Variants in OSBPL3 observed in about 807,000 individuals in gnomAD.
The protein encoded by OSBPL3 is oxysterol-binding protein-related protein 3.
OSBPL3 carries 65 observed loss-of-function variants against 120.1 expected under a neutral mutation model. That is an observed-to-expected ratio of 0.54 (90% confidence interval 0.44 to 0.67). The LOEUF is 0.67. Among genes scored for constraint, OSBPL3 ranks in the 30% least tolerant of loss-of-function variants. The pLI is 0.00. For synonymous variants in OSBPL3, 416 were observed against 402.6 expected (o/e 1.03, Z -0.40); for missense variants, 1,004 against 1,082.1 (o/e 0.93, Z 1.01).
chr7:24,903,600 T>C (rs973133960), intron 1 of OSBPL3, among the ~76,000 whole-genome samples: 1 of 152,232 alleles, frequency 6.6e-6, no homozygotes, highest in Non-Finnish European at 1.5e-5. Flanking sequence ...AATAGATATG[T>C]TGATGAATAC....
At chr7:24,884,207 C>G (rs1009659909) in intron 2 of OSBPL3, among the ~76,000 whole-genome samples, 1 of 152,138 alleles carries the variant, frequency 6.6e-6, no homozygotes. Flanking sequence ...AAATAACAAC[C>G]ATTTGTACAT....
rs990362167 is a variant in OSBPL3, at chr7:24,821,578, G to A, written c.1885-1340C>T. On this transcript the variant is annotated intron_variant, in intron 16 of 22. Transcript: ENST00000313367. The surrounding 1 kb of genome is among the most constrained non-coding windows in gnomAD (Gnocchi z 5.5). ...CGGCTGGGAGGATGTGGTCACACACGCCACACCCAGATGTGACTCATGGGA... is the reference window on the plus strand; with the variant it reads ...CGGCTGGGAGGATGTGGTCACACACACCACACCCAGATGTGACTCATGGGA... Among the ~76,000 whole-genome samples the A allele has an allele frequency of 6.6e-6, 1 of 152,148 alleles. No individual in the cohort carries two copies.
intron 1 of OSBPL3, among the ~76,000 whole-genome samples, chr7:24,974,594 C>G (rs1169302598): frequency 6.6e-6 from 1 of 152,102 alleles, no homozygotes; most frequent in African/African-American, 2.4e-5. Flanking sequence ...TTAGAAATGC[C>G]AGTCCCGTCA....
chr7:24,871,666 C>T lies in OSBPL3; in HGVS notation c.267+76G>A. ...CCGAGAAAAGCTATCCTCAACTATA[C>T]ACACTCTCATCTCTGAGCTGATGGT... On this transcript the variant is annotated intron_variant, in intron 4 of 22. Transcript: ENST00000313367. The surrounding 1 kb of genome is among the most constrained non-coding windows in gnomAD (Gnocchi z 4.8). 9.4e-7 allele frequency: 1 copy of T among 1,059,660 alleles called. No homozygotes were observed. Among genetic ancestry groups the T allele is most frequent in the Non-Finnish European group, 1.5e-6 (1 of 687,786 alleles). 65.6% of individuals were successfully genotyped at this position (1,059,660 alleles called of 1,614,324 possible).
At chr7:24,870,929 T>A (rs1473914060) in intron 4 of OSBPL3, 84 bp from the exon 5 acceptor site, 1 of 860,908 alleles carries the variant, frequency 1.2e-6, no homozygotes, top group African/African-American at 1.6e-5. Flanking sequence ...CCACATCCCC[T>A]GATAGTAAAA....
intron 10 of OSBPL3, among the ~76,000 whole-genome samples, chr7:24,859,912 AT>A (rs1018761749): frequency 6.6e-6 from 1 of 152,064 alleles, no homozygotes; most frequent in South Asian, 2.1e-4. Context: ...GATTATTTCT[AT>A]TTTTTTAACC....
chr7:24,976,909 A>T (rs1225481876), intron 1 of OSBPL3, among the ~76,000 whole-genome samples: 1 of 152,134 alleles, frequency 6.6e-6, no homozygotes, highest in Admixed American at 6.5e-5. Flanking sequence ...TTCCTTCCCC[A>T]TCCTCTGTTT....
Position 24,918,813 on chromosome 7 carries a change from A to AT in OSBPL3, c.-149-26193dup, listed in dbSNP as rs1311090451. 6.6e-6 allele frequency among the ~76,000 whole-genome samples: 1 copy of AT among 152,238 alleles called. No homozygotes were observed. Among genetic ancestry groups the AT allele is most frequent in the Non-Finnish European group, 1.5e-5 (1 of 68,046 alleles). Reference sequence around the variant, plus strand: ...ATACTTTCTAAATGGAAGAAGAATGATTTTAAGGAAGAATTTAGAATCGTA... The same window carrying AT: ...ATACTTTCTAAATGGAAGAAGAATGATTTTTAAGGAAGAATTTAGAATCGTA... On this transcript the variant is annotated intron_variant, in intron 1 of 22. Transcript: ENST00000313367. This position sits in a 1 kb window ranked among gnomAD's most constrained non-coding sequence, Gnocchi z 4.3.
chr7:24,915,810 A>T (rs138352588), intron 1 of OSBPL3, among the ~76,000 whole-genome samples: 1 of 152,124 alleles, frequency 6.6e-6, no homozygotes, highest in Non-Finnish European at 1.5e-5. Context: ...CTTCTGACCT[A>T]GTGGTCCACC....
intron 2 of OSBPL3, among the ~76,000 whole-genome samples, chr7:24,888,526 T>C (rs927870307): frequency 1.3e-5 from 2 of 152,196 alleles, no homozygotes; most frequent in African/African-American, 4.8e-5. Flanking sequence ...GTGAGGCTTA[T>C]TGTTTTTAAA....
chr7:24,942,052 G>C lies in OSBPL3; in HGVS notation c.-150+37834C>G, dbSNP rs111665393. Among the ~76,000 whole-genome samples, 594 of 152,212 alleles carry C rather than the reference G, an allele frequency of 3.9e-3. 3 individuals carry two copies. Among genetic ancestry groups the C allele is most frequent in the Non-Finnish European group, 6.0e-3 (405 of 68,022 alleles). On this transcript the variant is annotated intron_variant, in intron 1 of 22. Coordinates refer to ENST00000313367, the MANE Select transcript of OSBPL3 (RefSeq NM_015550.4). ...AACAGAAAAGAAAAAGCTTTGTTCTGTGAGGCTTGCTGCCCATCTGCTCCA... is the reference window on the plus strand; with the variant it reads ...AACAGAAAAGAAAAAGCTTTGTTCTCTGAGGCTTGCTGCCCATCTGCTCCA...
At chr7:24,943,696 A>T (rs2128486188) in intron 1 of OSBPL3, among the ~76,000 whole-genome samples, 1 of 152,328 alleles carries the variant, frequency 6.6e-6, no homozygotes, top group Non-Finnish European at 1.5e-5. Context: ...AGGCAAGTGG[A>T]ATTTACTAAA....
rs1800856759 is a variant in OSBPL3, at chr7:24,863,420, C to T, written c.777+76G>A. 1 of 1,394,256 alleles carries T rather than the reference C, an allele frequency of 7.2e-7. No individual in the cohort carries two copies. The highest frequency in any genetic ancestry group is 1.7e-5 in the Admixed American group (1 of 59,678). 86.4% of individuals were successfully genotyped at this position (1,394,256 alleles called of 1,614,324 possible). On this transcript the variant is annotated intron_variant, in intron 8 of 22. Transcript: ENST00000313367. The surrounding 1 kb of genome is among the most constrained non-coding windows in gnomAD (Gnocchi z 5.8). ...TGAAGCAACTGACCACAGCATCCCA[C>T]TGTTAGTGAAAGGCTGGGAGGAGAA...
At chr7:24,951,736 G>T (rs187625914) in intron 1 of OSBPL3, among the ~76,000 whole-genome samples, 24 of 152,142 alleles carry the variant, frequency 1.6e-4, no homozygotes, top group Non-Finnish European at 7.4e-5. Flanking sequence ...CACCACGGGG[G>T]AGAAACCTGT....
rs17150507 is a variant in OSBPL3, at chr7:24,909,159, T to C, written c.-149-16538A>G. On this transcript the variant is annotated intron_variant, in intron 1 of 22. Coordinates refer to ENST00000313367, the MANE Select transcript of OSBPL3 (RefSeq NM_015550.4). ...GGTGATAACTGATAGATCTGATATTTTGGTAAGTTAGCATGCATGCCTTGG... is the reference window on the plus strand; with the variant it reads ...GGTGATAACTGATAGATCTGATATTCTGGTAAGTTAGCATGCATGCCTTGG... Among the ~76,000 whole-genome samples the C allele has an allele frequency of 7.1e-3, 1,076 of 152,330 alleles. 11 individuals carry two copies. The highest frequency in any genetic ancestry group is 0.024 in the African/African-American group (1,010 of 41,558).
chr7:24,916,182 T>G lies in OSBPL3; in HGVS notation c.-149-23561A>C, dbSNP rs191607001. 1.4e-4 allele frequency among the ~76,000 whole-genome samples: 21 copies of G among 152,342 alleles called. 1 individual carries two copies. The East Asian group carries it at 4.1e-3, about 29-fold the overall frequency. On this transcript the variant is annotated intron_variant, in intron 1 of 22. Transcript: ENST00000313367. This position sits in a 1 kb window ranked among gnomAD's most constrained non-coding sequence, Gnocchi z 4.9. ...GAACAAATACTCTTATGCTACAGAA[T>G]TACTTTTCAGAAGATGGACAATTTC...
intron 20 of OSBPL3, among the ~76,000 whole-genome samples, chr7:24,807,848 A>G (rs1263627886): frequency 6.6e-6 from 1 of 152,162 alleles, no homozygotes; most frequent in African/African-American, 2.4e-5. Flanking sequence ...TTACAGCCTA[A>G]GCTCTTCACA....
At position 24,867,912 on chromosome 7, in the gene OSBPL3, G is replaced by C. The variant is rs956867955; in HGVS notation, c.382-1675C>G. ...ACAATTATCGATTTCTAATTTCCAT[G>C]AAGAATACTGTAACTAGTAGTTTTT... On this transcript the variant is annotated intron_variant, in intron 5 of 22. Coordinates refer to ENST00000313367, the MANE Select transcript of OSBPL3 (RefSeq NM_015550.4). This position sits in a 1 kb window ranked among gnomAD's most constrained non-coding sequence, Gnocchi z 4.5. 6.6e-6 allele frequency among the ~76,000 whole-genome samples: 1 copy of C among 152,060 alleles called. No individual in the cohort carries two copies. The highest frequency in any genetic ancestry group is 1.5e-5 in the Non-Finnish European group (1 of 68,024).
chr7:24,909,768 GTTTTTTTTTTCTTTCTTTTTTTTTTTT>G (rs1808513978), intron 1 of OSBPL3, among the ~76,000 whole-genome samples: 1 of 110,610 alleles, frequency 9.0e-6, no homozygotes, highest in Admixed American at 9.7e-5. Flanking sequence ...GAAAGCTACT[GTTTTTTTTTTCTTTCTTTTTTTTTTTT>G]TTTTTTTTTT....
Sources: gnomAD v4.1 joint callset for allele counts (sites outside exome capture counted in the v4.1 genomes callset) on GRCh38, gnomAD v4.1.1 for gene constraint, Gnocchi (gnomAD v3.1) non-coding constraint, MANE v1.5 for transcripts, NCBI Gene and HGNC (gene_info 2026-07-23, HGNC 2026-07-21) for gene names.